FMN1: variants seen among roughly 807,000 people sequenced by gnomAD.
The protein encoded by FMN1 is formin 1.
In FMN1, 110 loss-of-function variants were observed where a neutral mutation model predicts 132.4. The observed-to-expected ratio is 0.83, with a 90% CI of 0.71 to 0.97. The LOEUF (loss-of-function observed/expected upper bound fraction) is 0.97, where lower values mean the gene tolerates loss of function less well. FMN1 is among the 50% of genes least tolerant of loss of function. FMN1 has a pLI of 0.00. For synonymous variants in FMN1, 722 were observed against 651.7 expected (o/e 1.11, Z -1.64); for missense variants, 1,792 against 1,705.3 (o/e 1.05, Z -0.90).
chr15:32,934,663 A>G (rs112094952), intron 9 of FMN1, among the ~76,000 whole-genome samples: 3 of 148,136 alleles, frequency 2.0e-5, no homozygotes, highest in African/African-American at 7.5e-5. Context: ...CTGGAGTGCA[A>G]TGGCGCAATC....
At chr15:32,848,983 T>TG (rs1555472067) in intron 17 of FMN1, among the ~76,000 whole-genome samples, 84 of 117,328 alleles carry the variant, frequency 7.2e-4, no homozygotes, top group Non-Finnish European at 1.1e-3. Flanking sequence ...TTTTGTTTTT[T>TG]TTTTTTTTTT....
chr15:32,940,487 G>T (rs1244162344), intron 9 of FMN1, among the ~76,000 whole-genome samples: 1 of 150,264 alleles, frequency 6.7e-6, no homozygotes, highest in East Asian at 2.0e-4. Context: ...TATAAATAAC[G>T]GATACAGGAG....
At chr15:32,891,874 C>T (rs114829705) in intron 15 of FMN1, among the ~76,000 whole-genome samples, 8,753 of 152,090 alleles carry the variant, frequency 0.058, 422 homozygotes, top group East Asian at 0.13. Flanking sequence ...TGTCGGTGTA[C>T]AGAAGAGCTA....
At chr15:33,000,578 C>T (rs1405887869) in intron 7 of FMN1, among the ~76,000 whole-genome samples, 2 of 151,654 alleles carry the variant, frequency 1.3e-5, no homozygotes, top group African/African-American at 2.4e-5. Flanking sequence ...CCCAAGAGTT[C>T]GAGACCAGCC....
intron 6 of FMN1, among the ~76,000 whole-genome samples, chr15:33,051,163 T>G (rs749191635): frequency 1.1e-4 from 17 of 152,216 alleles, no homozygotes; most frequent in Non-Finnish European, 2.2e-4. Flanking sequence ...TATACCATTC[T>G]CTGAATTAGG....
chr15:32,891,063 T>C (rs1268115243), intron 15 of FMN1, among the ~76,000 whole-genome samples: 3 of 152,214 alleles, frequency 2.0e-5, no homozygotes, highest in African/African-American at 2.4e-5. Flanking sequence ...TTTGGGTTTA[T>C]TTCTGGGTTT....
intron 10 of FMN1, among the ~76,000 whole-genome samples, chr15:32,921,645 T>C (rs192010330): frequency 3.9e-5 from 6 of 151,918 alleles, no homozygotes; most frequent in Admixed American, 6.6e-5. Context: ...CATTCATATA[T>C]ACAATCTATA....
chr15:33,007,923 A>C (rs2034502923), intron 7 of FMN1, 91 bp downstream of exon 7: 3 of 1,097,054 alleles, frequency 2.7e-6, no homozygotes, highest in Admixed American at 2.1e-5. Context: ...CTAGTTTAAC[A>C]CTTCAACTTA....
intron 16 of FMN1, among the ~76,000 whole-genome samples, chr15:32,872,003 A>C (rs2059526825): frequency 6.6e-6 from 1 of 152,102 alleles, no homozygotes. Flanking sequence ...TAATCACAGC[A>C]TAAAACTAGG....
In FMN1 at chr15:33,066,791, G is replaced by A. The variant is rs116732950; in HGVS notation, c.2044-1717C>T. On this transcript the variant is annotated intron_variant, in intron 5 of 20. Coordinates refer to ENST00000616417, the MANE Select transcript of FMN1 (RefSeq NM_001277313.2). ...GCAGCCCATCTCTTCTCTCCTGGGCGACTCAGGGTCTGCTCCCTTCGGTTC... is the reference window on the plus strand; with the variant it reads ...GCAGCCCATCTCTTCTCTCCTGGGCAACTCAGGGTCTGCTCCCTTCGGTTC... 1,632 of 1,613,912 alleles carry A rather than the reference G, an allele frequency of 1.0e-3. 15 individuals are homozygous for A. The African/African-American group carries it at 0.019, about 19-fold the overall frequency.
intron 4 of FMN1, among the ~76,000 whole-genome samples, chr15:33,099,142 T>C (rs542037745): frequency 2.6e-5 from 4 of 152,132 alleles, no homozygotes; most frequent in African/African-American, 7.2e-5. Context: ...CTACAAAAAG[T>C]TAGCCAGGTG....
rs1305684445 is a variant in FMN1, at chr15:32,773,184, G to C, written c.*1126C>G. On this transcript the variant is annotated 3_prime_UTR_variant, in exon 21 of 21. Transcript: ENST00000616417. ...CTGCCTGTGAACAATATTCCACTTGGAAGTTTTCTATTAATGTAATTACTT... is the reference window on the plus strand; with the variant it reads ...CTGCCTGTGAACAATATTCCACTTGCAAGTTTTCTATTAATGTAATTACTT... 1.3e-5 allele frequency: 2 copies of C among 152,174 alleles called. No individual in the cohort carries two copies. The highest frequency in any genetic ancestry group is 2.9e-5 in the Non-Finnish European group (2 of 68,038). 9.4% of individuals were successfully genotyped at this position (152,174 alleles called of 1,614,324 possible). A position where few individuals can be genotyped will look rare whatever the true frequency, so the allele number is the denominator to read the frequency against.
intron 16 of FMN1, among the ~76,000 whole-genome samples, chr15:32,859,955 T>C (rs946128584): frequency 3.3e-5 from 5 of 152,084 alleles, no homozygotes; most frequent in Admixed American, 3.3e-4. Context: ...GGAGGGTTTT[T>C]TCTGCCCAGG....
chr15:32,871,495 T>G (rs1482996407), intron 16 of FMN1, among the ~76,000 whole-genome samples: 1 of 152,234 alleles, frequency 6.6e-6, no homozygotes, highest in African/African-American at 2.4e-5. Flanking sequence ...CATAGCTCAC[T>G]TAATTCTCCT....
At chr15:32,896,887 C>G (rs1457472495) in intron 15 of FMN1, among the ~76,000 whole-genome samples, 1 of 152,104 alleles carries the variant, frequency 6.6e-6, no homozygotes, top group East Asian at 1.9e-4. Context: ...GGGAAAATGT[C>G]TCTTTGAGAT....
chr15:32,773,398 C>T lies in FMN1; in HGVS notation c.*912G>A, dbSNP rs2037843. 0.13 allele frequency: 20,351 copies of T among 152,118 alleles called. 1,423 individuals carry two copies. Among genetic ancestry groups the T allele is most frequent in the Middle Eastern group, 0.19 (57 of 294 alleles). The allele number at this position is 152,118 out of a possible 1,614,324, so 9.4% of individuals were successfully genotyped here. A position where few individuals can be genotyped will look rare whatever the true frequency, so the allele number is the denominator to read the frequency against. ...CCAGCTGCACAGTCACAGCACATAA[C>T]GTAGAACTCGGCTGCGTATCAACAC... On this transcript the variant is annotated 3_prime_UTR_variant, in exon 21 of 21. Coordinates refer to ENST00000616417, the MANE Select transcript of FMN1 (RefSeq NM_001277313.2).
At chr15:32,789,559 A>G (rs956943741) in intron 19 of FMN1, among the ~76,000 whole-genome samples, 4 of 152,230 alleles carry the variant, frequency 2.6e-5, no homozygotes, top group African/African-American at 9.6e-5. Flanking sequence ...CCTATTGCCT[A>G]GTGAAGTCAT....
intron 17 of FMN1, among the ~76,000 whole-genome samples, chr15:32,823,451 A>T (rs941888039): frequency 6.6e-6 from 1 of 152,142 alleles, no homozygotes; most frequent in East Asian, 1.9e-4. Flanking sequence ...GGTGTGAGCC[A>T]CTGCGCCCGG....
At chr15:33,151,743 T>C (rs1964448150) in intron 4 of FMN1, among the ~76,000 whole-genome samples, 1 of 151,726 alleles carries the variant, frequency 6.6e-6, no homozygotes, top group Admixed American at 6.5e-5. Context: ...TGTTTCTAAG[T>C]CCTCAGCATC....
Sources: allele counts gnomAD v4.1 joint callset (sites outside exome capture counted in the v4.1 genomes callset), GRCh38; gene constraint gnomAD v4.1.1; transcripts MANE v1.5; gene names NCBI Gene and HGNC (gene_info 2026-07-23, HGNC 2026-07-21).